Variants in NDUFA8 observed in about 807,000 individuals in gnomAD.
NDUFA8 encodes NADH dehydrogenase [ubiquinone] 1 alpha subcomplex subunit 8.
Under a neutral mutation model 20.9 loss-of-function variants are expected in NDUFA8, and 16 were observed. The ratio of observed to expected loss-of-function variants is 0.77; its 90% confidence interval spans 0.52 to 1.16. NDUFA8 has a LOEUF of 1.16. Ranked by LOEUF, NDUFA8 falls within the 50% of genes most tolerant of loss-of-function variation. The probability of loss-of-function intolerance (pLI) is 0.00; values close to 1 mark genes in which losing one functional copy is unlikely to be tolerated. For synonymous variants in NDUFA8, 70 were observed against 76.1 expected (o/e 0.92, Z 0.41); for missense variants, 202 against 216.4 (o/e 0.93, Z 0.42).
At chr9:122,159,480 G>T (rs2118726131) in intron 1 of NDUFA8, 147 bp downstream of exon 1, 2 of 922,590 alleles carry the variant, frequency 2.2e-6, no homozygotes, top group East Asian at 4.9e-5. Context: ...CTGCGGAGGG[G>T]ACCTCCGGGG....
downstream of NDUFA8, among the ~76,000 whole-genome samples, chr9:122,141,627 A>G (rs1426999291): frequency 6.6e-6 from 1 of 152,176 alleles, no homozygotes; most frequent in Non-Finnish European, 1.5e-5. Context: ...TTGGGGATAT[A>G]AGGAATTCAT....
chr9:122,141,107 T>A (rs1441720563), downstream of NDUFA8, among the ~76,000 whole-genome samples: 1 of 152,208 alleles, frequency 6.6e-6, no homozygotes, highest in Non-Finnish European at 1.5e-5. Flanking sequence ...GGCAAGGGGA[T>A]AGCATTCGTG....
intron 1 of NDUFA8, among the ~76,000 whole-genome samples, chr9:122,153,126 G>A (rs941809811): frequency 3.9e-5 from 6 of 152,022 alleles, no homozygotes; most frequent in Admixed American, 1.3e-4. Context: ...ATGTATCTGG[G>A]CGTGGTGGTG....
intron 1 of NDUFA8, among the ~76,000 whole-genome samples, chr9:122,157,116 G>A (rs1829087309): frequency 6.6e-6 from 1 of 152,124 alleles, no homozygotes; most frequent in Non-Finnish European, 1.5e-5. Flanking sequence ...TTCAAAAAGG[G>A]ACTGACTATT....
At chr9:122,145,685 T>C (rs80159002) in intron 3 of NDUFA8, among the ~76,000 whole-genome samples, 1 of 152,212 alleles carries the variant, frequency 6.6e-6, no homozygotes, top group Non-Finnish European at 1.5e-5. Context: ...ATGCCTAAGA[T>C]AAGATACACA....
chr9:122,139,359 G>C (rs539292517), downstream of NDUFA8, among the ~76,000 whole-genome samples: 34 of 151,990 alleles, frequency 2.2e-4, no homozygotes, highest in South Asian at 6.4e-3. Flanking sequence ...TCACCCCCTA[G>C]CTAGTCACTA....
At chr9:122,146,293 A>G (rs1446415088) in intron 3 of NDUFA8, among the ~76,000 whole-genome samples, 1 of 152,062 alleles carries the variant, frequency 6.6e-6, no homozygotes, top group Non-Finnish European at 1.5e-5. Flanking sequence ...AAGAGTTAAG[A>G]GAATTTTTTT....
chr9:122,144,342 T>C lies in NDUFA8; in HGVS notation c.418A>G (p.Asn140Asp), dbSNP rs1396668193. 6.2e-7 allele frequency: 1 copy of C among 1,614,136 alleles called. No homozygotes were observed. Residue 140 changes from asparagine to aspartate, a missense_variant, in exon 4 of 4, where the codon AAT (asparagine) becomes GAT (aspartate). Transcript: ENST00000373768. ...GGTCTTGGTCTTGAGTGATAGGGATTCTCCGGTAAAGGTCGATCTGTTTTC... is the reference window on the plus strand; with the variant it reads ...GGTCTTGGTCTTGAGTGATAGGGATCCTCCGGTAAAGGTCGATCTGTTTTC... ...KVKTDRPLPE[N>D]PYHSRPRPDP...
chr9:122,158,404 C>A (rs117570956), intron 1 of NDUFA8, among the ~76,000 whole-genome samples: 2,047 of 152,144 alleles, frequency 0.013, 23 homozygotes, highest in Non-Finnish European at 0.023. Flanking sequence ...CCTCTCCAGG[C>A]TCAGCACCTG....
chr9:122,157,841 T>C (rs1377363265), intron 1 of NDUFA8, among the ~76,000 whole-genome samples: 2 of 152,172 alleles, frequency 1.3e-5, no homozygotes, highest in Non-Finnish European at 2.9e-5. Context: ...TAAGATTAAA[T>C]GAAGCATTGC....
At chr9:122,137,682 T>C in the NDUFA8 span, among the ~76,000 whole-genome samples, 45 of 152,230 alleles carry the variant, frequency 3.0e-4, no homozygotes, top group African/African-American at 9.9e-4. Flanking sequence ...CCAGAATGAA[T>C]TGCCCAGGTG....
chr9:122,138,733 G>C, the NDUFA8 span, among the ~76,000 whole-genome samples: 1 of 147,262 alleles, frequency 6.8e-6, no homozygotes, highest in Admixed American at 6.6e-5. Flanking sequence ...ATACAAGGCA[G>C]GTCATGCGCA....
intron 2 of NDUFA8, among the ~76,000 whole-genome samples, chr9:122,151,636 T>C (rs1173581929): frequency 6.6e-6 from 1 of 152,256 alleles, no homozygotes; most frequent in Non-Finnish European, 1.5e-5. Context: ...TGAAATTATT[T>C]AAGCCCTTGA....
chr9:122,142,499 A>G (rs1828837976), downstream of NDUFA8, among the ~76,000 whole-genome samples: 1 of 152,208 alleles, frequency 6.6e-6, no homozygotes, highest in African/African-American at 2.4e-5. Context: ...GGTGATTCCA[A>G]TGTGCACTCA....
Position 122,144,364 on chromosome 9 carries a change from T to G in NDUFA8, c.396A>C (p.Lys132Asn). ...GATTCTCCGGTAAAGGTCGATCTGT[T>G]TTCACTTTGGTGACCTGGGAAGGGT... ...LGELSKVTKV[K>N]TDRPLPENPY... Residue 132 changes from lysine to asparagine, a missense_variant, in exon 4 of 4, where the codon AAA becomes AAC. Lys to Asn is a moderately conservative substitution (Grantham distance 94). Coordinates refer to ENST00000373768, the MANE Select transcript of NDUFA8 (RefSeq NM_014222.3). The G allele has an allele frequency of 6.2e-7, 1 of 1,614,158 alleles. No individual in the cohort carries two copies. Among genetic ancestry groups the G allele is most frequent in the Non-Finnish European group, 8.5e-7 (1 of 1,180,010 alleles).
chr9:122,155,870 T>C (rs943662631), intron 1 of NDUFA8, among the ~76,000 whole-genome samples: 1 of 152,220 alleles, frequency 6.6e-6, no homozygotes, highest in Non-Finnish European at 1.5e-5. Context: ...GGAAATCTTA[T>C]CAAAATGAAG....
At chr9:122,150,786 A>G (rs534766767) in intron 2 of NDUFA8, among the ~76,000 whole-genome samples, 14 of 152,154 alleles carry the variant, frequency 9.2e-5, no homozygotes, top group African/African-American at 2.9e-4. Context: ...CCTGGCCAAC[A>G]TGCTGAAACC....
chr9:122,152,826 G>A (rs1829025614), intron 1 of NDUFA8, among the ~76,000 whole-genome samples: 1 of 152,122 alleles, frequency 6.6e-6, no homozygotes, highest in Non-Finnish European at 1.5e-5. Flanking sequence ...TCCCATTTTA[G>A]AGCAGAAGAA....
chr9:122,134,807 G>A, the NDUFA8 span, among the ~76,000 whole-genome samples: 13 of 152,262 alleles, frequency 8.5e-5, no homozygotes, highest in African/African-American at 3.1e-4. Context: ...TCACAATTCC[G>A]ACACTCCATG....
Sources: allele counts gnomAD v4.1 joint callset (sites outside exome capture counted in the v4.1 genomes callset), GRCh38; gene constraint gnomAD v4.1.1; transcripts MANE v1.5; gene names NCBI Gene and HGNC (gene_info 2026-07-23, HGNC 2026-07-21).